KIAA0753: variants seen among roughly 807,000 people sequenced by gnomAD.
KIAA0753 encodes the protein protein moonraker.
Under a neutral mutation model 116.9 loss-of-function variants are expected in KIAA0753, and 114 were observed. The observed-to-expected ratio is 0.98, with a 90% CI of 0.84 to 1.14. The LOEUF is 1.14. KIAA0753 is among the 50% of genes most tolerant of loss of function. KIAA0753 has a pLI of 0.00. For missense variants in KIAA0753, 1,156 were observed against 1,172.4 expected, an observed-to-expected ratio of 0.99 and a Z score of 0.20; for synonymous variants, 405 against 413.1, an observed-to-expected ratio of 0.98 and a Z score of 0.24.
chr17:6,603,236 G>A (rs550931479), intron 12 of KIAA0753, among the ~76,000 whole-genome samples: 1 of 151,908 alleles, frequency 6.6e-6, no homozygotes, highest in East Asian at 1.9e-4. Flanking sequence ...AAGAACAGGA[G>A]TTTCAGAAAC....
intron 18 of KIAA0753, among the ~76,000 whole-genome samples, 168 bp downstream of exon 18, chr17:6,589,611 C>G (rs1292760075): frequency 1.3e-5 from 2 of 152,180 alleles, no homozygotes; most frequent in Non-Finnish European, 1.5e-5. Flanking sequence ...TTACGGTTCC[C>G]TGTGTCTGAA....
chr17:6,607,261 C>T lies in KIAA0753; in HGVS notation c.1839G>A (p.Trp613Ter). Reference protein sequence around the residue: ...AVEHEAARLAWLDAETSKRLK... With the variant: ...AVEHEAARLA ...ATCTTTTGGAAGTTTCAGCATCAAG[C>T]CAAGCGAGCCTAGCAGACAGTCAAA... The change falls in exon 11 of 19, where the codon TGG (tryptophan) becomes TGA (stop). Residue 613 changes from tryptophan (W) to a stop codon, truncating the protein, a stop_gained. Transcript: ENST00000361413. LOFTEE classifies it high-confidence loss of function. 1 of 1,614,026 alleles carries T rather than the reference C, an allele frequency of 6.2e-7. No homozygotes were observed. Among genetic ancestry groups the T allele is most frequent in the African/African-American group, 1.3e-5 (1 of 75,020 alleles).
chr17:6,602,666 G>A (rs940891755), intron 12 of KIAA0753, among the ~76,000 whole-genome samples: 2 of 152,134 alleles, frequency 1.3e-5, no homozygotes, highest in African/African-American at 2.4e-5. Context: ...CTAGGTTGAA[G>A]GACAAATTAT....
At chr17:6,594,419 A>T (rs954926342) in intron 16 of KIAA0753, among the ~76,000 whole-genome samples, 1 of 152,250 alleles carries the variant, frequency 6.6e-6, no homozygotes, top group Non-Finnish European at 1.5e-5. Flanking sequence ...TGACATAAAT[A>T]TAGTATTTAT....
At chr17:6,595,422 C>T (rs767620942) in intron 15 of KIAA0753, among the ~76,000 whole-genome samples, 1 of 152,142 alleles carries the variant, frequency 6.6e-6, no homozygotes, top group Non-Finnish European at 1.5e-5. Flanking sequence ...GCACCCCGGG[C>T]CTAGACAACT....
intron 12 of KIAA0753, among the ~76,000 whole-genome samples, chr17:6,604,437 A>G (rs1044396473): frequency 6.6e-6 from 1 of 152,118 alleles, no homozygotes; most frequent in Non-Finnish European, 1.5e-5. Context: ...GTTTGTATCC[A>G]CACCATGAAT....
chr17:6,600,273 C>A, intron 13 of KIAA0753, 107 bp downstream of exon 13: 1 of 814,822 alleles, frequency 1.2e-6, no homozygotes, highest in Non-Finnish European at 2.1e-6. Flanking sequence ...TTCCAGATGC[C>A]ACAGAGACAC....
Position 6,594,974 on chromosome 17 carries a change from T to C in KIAA0753, c.2438A>G (p.Asn813Ser). ...GAAAAACATGGGGAAACACTCACCA[T>C]TGTTTTCTTCCTGCATCCAAAGTCG... ...DPRLWMQEENNDQKISAISEK... is the reference protein window; with the variant it reads ...DPRLWMQEENSDQKISAISEK... Residue 813 changes from asparagine (N) to serine (S), a missense_variant and splice_region_variant, in exon 16 of 19, where the codon AAT becomes AGT. Coordinates refer to ENST00000361413, the MANE Select transcript of KIAA0753 (RefSeq NM_014804.3). The C allele has an allele frequency of 6.2e-7, 1 of 1,606,354 alleles. No homozygotes were observed. Among genetic ancestry groups the C allele is most frequent in the Non-Finnish European group, 8.5e-7 (1 of 1,173,922 alleles).
At chr17:6,581,125 A>G (rs1048251816) in intron 18 of KIAA0753, among the ~76,000 whole-genome samples, 4 of 152,294 alleles carry the variant, frequency 2.6e-5, no homozygotes, top group East Asian at 1.9e-4. Flanking sequence ...ATTTCCTTCA[A>G]AAGAAATTTT....
intron 7 of KIAA0753, 102 bp from the exon 8 acceptor site, chr17:6,612,250 A>T (rs1161744141): frequency 2.5e-6 from 2 of 789,158 alleles, no homozygotes; most frequent in Non-Finnish European, 4.1e-6. Flanking sequence ...TACCTATCCT[A>T]GCCCTGCTGA....
intron 18 of KIAA0753, among the ~76,000 whole-genome samples, chr17:6,584,144 T>C (rs1483910954): frequency 6.0e-5 from 3 of 49,992 alleles, no homozygotes; most frequent in Admixed American, 2.2e-4. Context: ...TCCCCCACTT[T>C]AGCAACCCGT....
intron 14 of KIAA0753, 51 bp from the exon 15 acceptor site, chr17:6,596,394 G>T: frequency 7.7e-7 from 1 of 1,306,876 alleles, no homozygotes. Flanking sequence ...GATTAGGGGT[G>T]GGAAGGTGAT....
intron 18 of KIAA0753, among the ~76,000 whole-genome samples, chr17:6,585,071 T>C (rs1968467957): frequency 6.6e-6 from 1 of 152,172 alleles, no homozygotes; most frequent in South Asian, 2.1e-4. Context: ...TGAGATTAGA[T>C]GTGAGCCACC....
chr17:6,612,375 C>T lies in KIAA0753; in HGVS notation c.1316-227G>A, dbSNP rs376216541. Among the ~76,000 whole-genome samples the T allele has an allele frequency of 4.6e-5, 7 of 152,154 alleles. No homozygotes were observed. In the South Asian group the frequency reaches 1.5e-3, roughly 32 times the overall value. On this transcript the variant is annotated intron_variant, in intron 7 of 18. Transcript: ENST00000361413. ...CCCTGAATCTTCGCTATCATATTTA[C>T]TCATTTACCTGGTCCCTTTGATCCT... is the stretch of plus-strand genomic sequence containing the variant.
intron 7 of KIAA0753, 104 bp from the exon 8 acceptor site, chr17:6,612,252 C>T (rs760300983): frequency 1.3e-6 from 1 of 791,358 alleles, no homozygotes; most frequent in Non-Finnish European, 2.0e-6. Context: ...CCTATCCTAG[C>T]CCTGCTGAGA....
intron 13 of KIAA0753, 99 bp from the exon 14 acceptor site, chr17:6,599,419 C>A: frequency 4.8e-6 from 4 of 829,728 alleles, no homozygotes; most frequent in Middle Eastern, 2.4e-4. Flanking sequence ...TGGAACTATT[C>A]ATCAGCTTTA....
chr17:6,593,866 C>A (rs1156587478), intron 16 of KIAA0753, among the ~76,000 whole-genome samples: 1 of 152,134 alleles, frequency 6.6e-6, no homozygotes, highest in Non-Finnish European at 1.5e-5. Context: ...GCCTGGGGAA[C>A]AGAGTGAAAC....
chr17:6,627,512 CAAATTCTCCACGTGG>C (rs1971746371), intron 3 of KIAA0753, among the ~76,000 whole-genome samples: 1 of 152,086 alleles, frequency 6.6e-6, no homozygotes, highest in Non-Finnish European at 1.5e-5. Context: ...ACGGTAACCC[CAAATTCTCCACGTGG>C]AACCAGTCTT....
intron 1 of KIAA0753, chr17:6,636,310 G>T (rs1247331732): frequency 6.6e-6 from 1 of 152,210 alleles, no homozygotes; most frequent in African/African-American, 2.4e-5. Context: ...CAACTGGCTT[G>T]ACGTTGGCAC....
Sources: gnomAD v4.1 joint callset for allele counts (sites outside exome capture counted in the v4.1 genomes callset) on GRCh38, gnomAD v4.1.1 for gene constraint, MANE v1.5 for transcripts, NCBI Gene and HGNC (gene_info 2026-07-23, HGNC 2026-07-21) for gene names.